SLC6A6: variants seen among roughly 807,000 people sequenced by gnomAD.
The protein encoded by SLC6A6 is solute carrier family 6 member 6.
Under a neutral mutation model 68.8 loss-of-function variants are expected in SLC6A6, and 16 were observed. That is an observed-to-expected ratio of 0.23 (90% CI 0.16 to 0.35). The LOEUF (loss-of-function observed/expected upper bound fraction) is 0.35, where lower values mean the gene tolerates loss of function less well. Among genes scored for constraint, SLC6A6 ranks in the 10% least tolerant of loss-of-function variants. The pLI is 1.00. For missense variants in SLC6A6, 474 were observed against 802.8 expected, an observed-to-expected ratio of 0.59 and a Z score of 4.95; for synonymous variants, 312 against 315.4, an observed-to-expected ratio of 0.99 and a Z score of 0.12.
intron 1 of SLC6A6, among the ~76,000 whole-genome samples, chr3:14,411,853 C>T (rs1395508603): frequency 6.6e-6 from 1 of 152,226 alleles, no homozygotes; most frequent in East Asian, 1.9e-4. Flanking sequence ...ACAAGACAGA[C>T]CAAACTGTAC....
Position 14,409,426 on chromosome 3 carries a change from T to C in SLC6A6, c.-54+6579T>C, listed in dbSNP as rs111348237. ...GAGCATCCACGGTGCTTTATCCCCC[T>C]TCCTGTCTCAGAGATGAGTTCATCA... On this transcript the variant is annotated intron_variant, in intron 1 of 14. Coordinates refer to ENST00000622186, the MANE Select transcript of SLC6A6 (RefSeq NM_003043.6). 1.8e-3 allele frequency among the ~76,000 whole-genome samples: 273 copies of C among 152,342 alleles called. 1 individual carries two copies. The highest frequency in any genetic ancestry group is 6.5e-3 in the African/African-American group (269 of 41,584).
At chr3:14,459,778 CA>C (rs1700454093) in intron 6 of SLC6A6, among the ~76,000 whole-genome samples, 1 of 152,062 alleles carries the variant, frequency 6.6e-6, no homozygotes. Flanking sequence ...CTCTGAGCCT[CA>C]GTTTCCTCCT....
intron 5 of SLC6A6, among the ~76,000 whole-genome samples, chr3:14,451,952 C>G (rs1480673805): frequency 6.6e-6 from 1 of 152,198 alleles, no homozygotes; most frequent in Non-Finnish European, 1.5e-5. Flanking sequence ...TTTCACTTCT[C>G]TTATATGCCC....
Position 14,450,171 on chromosome 3 carries a change from G to A in SLC6A6, c.599+2355G>A, listed in dbSNP as rs538500466. On this transcript the variant is annotated intron_variant, in intron 5 of 14. Coordinates refer to ENST00000622186, the MANE Select transcript of SLC6A6 (RefSeq NM_003043.6). This position sits in a 1 kb window ranked among gnomAD's most constrained non-coding sequence, Gnocchi z 4.1. ...ATTGTAAAGGGGTCATCCTCTTCTG[G>A]GCTCTGCTTGTCTCGCTGTTGTCTA... Among the ~76,000 whole-genome samples the A allele has an allele frequency of 1.3e-5, 2 of 151,896 alleles. No individual in the cohort carries two copies. The highest frequency in any genetic ancestry group is 2.9e-5 in the Non-Finnish European group (2 of 67,980).
chr3:14,431,085 G>GGC (rs1043606841), intron 2 of SLC6A6, among the ~76,000 whole-genome samples: 8 of 52,534 alleles, frequency 1.5e-4, no homozygotes, highest in Non-Finnish European at 1.1e-4. Flanking sequence ...CTCAGGAATG[G>GGC]ACATCGTTTA....
intron 2 of SLC6A6, among the ~76,000 whole-genome samples, chr3:14,438,482 G>A (rs985972670): frequency 6.6e-6 from 1 of 152,154 alleles, no homozygotes; most frequent in African/African-American, 2.4e-5. Context: ...GCGGGGCAAG[G>A]GGTCCAGCCA....
intron 1 of SLC6A6, among the ~76,000 whole-genome samples, chr3:14,403,642 G>A (rs1440350750): frequency 1.3e-5 from 2 of 152,224 alleles, no homozygotes; most frequent in Non-Finnish European, 1.5e-5. Flanking sequence ...CTGAGTGGTG[G>A]GACCAAGGCC....
At chr3:14,430,721 T>A (rs1699705805) in intron 2 of SLC6A6, among the ~76,000 whole-genome samples, 1 of 152,246 alleles carries the variant, frequency 6.6e-6, no homozygotes, top group Admixed American at 6.5e-5. Flanking sequence ...AGAGCTTATG[T>A]TCAGCCTCTG....
intron 2 of SLC6A6, among the ~76,000 whole-genome samples, chr3:14,431,845 A>T (rs1403281422): frequency 3.3e-5 from 5 of 152,142 alleles, no homozygotes; most frequent in Admixed American, 3.3e-4. Context: ...GTCAGGGGGA[A>T]AAACATGTTT....
At chr3:14,409,411 G>A (rs964340030) in intron 1 of SLC6A6, among the ~76,000 whole-genome samples, 5 of 152,210 alleles carry the variant, frequency 3.3e-5, no homozygotes, top group South Asian at 2.1e-4. Context: ...GAGCATCCAC[G>A]GTGCTTTATC....
At chr3:14,482,030 A>G (rs1701021255) in intron 14 of SLC6A6, among the ~76,000 whole-genome samples, 189 bp downstream of exon 14, 1 of 152,222 alleles carries the variant, frequency 6.6e-6, no homozygotes, top group Non-Finnish European at 1.5e-5. Flanking sequence ...TAGAGTTCAC[A>G]TGGGAGAAGG....
chr3:14,466,237 G>C (rs1285111255), intron 6 of SLC6A6, among the ~76,000 whole-genome samples: 2 of 150,144 alleles, frequency 1.3e-5, no homozygotes, highest in Non-Finnish European at 3.0e-5. Flanking sequence ...ACTCCAGCCT[G>C]GGTGACAGCG....
intron 5 of SLC6A6, among the ~76,000 whole-genome samples, chr3:14,455,784 G>A (rs768758349): frequency 8.5e-5 from 13 of 152,358 alleles, no homozygotes; most frequent in Non-Finnish European, 1.6e-4. Flanking sequence ...TTGTTTTAAA[G>A]CCGTGGCAGG....
rs758883547 is a variant in SLC6A6 at position 14,484,933 on chromosome 3, C to G, written c.1789C>G (p.Pro597Ala). 3.7e-6 allele frequency: 6 copies of G among 1,612,646 alleles called. No individual in the cohort carries two copies. Among genetic ancestry groups the G allele is most frequent in the Non-Finnish European group, 4.2e-6 (5 of 1,179,902 alleles). ...GGCTGTGGAGCGCGAGGGAGCCACACCTTACAACTCTCGCACCGTCATGAA... is the reference window on the plus strand; with the variant it reads ...GGCTGTGGAGCGCGAGGGAGCCACAGCTTACAACTCTCGCACCGTCATGAA... ...RWAVEREGAT[P>A]YNSRTVMNGA... is the part of the protein sequence containing the mutation. The change falls in exon 15 of 15, where the codon CCT becomes GCT. Residue 597 changes from proline (P) to alanine (A), a missense_variant. Transcript: ENST00000622186.
rs1186527036 is a variant in SLC6A6, at chr3:14,472,536, G to A, written c.1209+219G>A. Among the ~76,000 whole-genome samples, 2 of 152,244 alleles carry A rather than the reference G, an allele frequency of 1.3e-5. No homozygotes were observed. The highest frequency in any genetic ancestry group is 4.8e-5 in the African/African-American group (2 of 41,458). On this transcript the variant is annotated intron_variant, in intron 10 of 14. Coordinates refer to ENST00000622186, the MANE Select transcript of SLC6A6 (RefSeq NM_003043.6). The surrounding 1 kb of genome is among the most constrained non-coding windows in gnomAD (Gnocchi z 4.5). ...CAAGATAATTATTTAGCCTAATGGA[G>A]TGCAAACAAGACGTGGCATGGCACA...
rs1403469775 is a variant in SLC6A6 at position 14,466,512 on chromosome 3, G to T, written c.733-4G>T. ...GGCCTCCTGAATCCCTCTCGCCCTT[G>T]CAGGTCGTCTACTTCACAGCCACTT... On this transcript the variant is annotated splice_region_variant and splice_polypyrimidine_tract_variant and intron_variant, in intron 6 of 14. Transcript: ENST00000622186. 1 of 1,609,482 alleles carries T rather than the reference G, an allele frequency of 6.2e-7. No homozygotes were observed. The highest frequency in any genetic ancestry group is 1.3e-5 in the African/African-American group (1 of 74,932).
At chr3:14,405,100 C>T (rs1467783355) in intron 1 of SLC6A6, among the ~76,000 whole-genome samples, 1 of 152,210 alleles carries the variant, frequency 6.6e-6, no homozygotes, top group Non-Finnish European at 1.5e-5. Context: ...CCCCATGGGG[C>T]TTTGGTCACT....
At chr3:14,479,873 A>C (rs1403822824) in intron 13 of SLC6A6, among the ~76,000 whole-genome samples, 1 of 152,168 alleles carries the variant, frequency 6.6e-6, no homozygotes, top group East Asian at 1.9e-4. Context: ...GTTTGCAATC[A>C]CTTGTGATCA....
intron 1 of SLC6A6, among the ~76,000 whole-genome samples, chr3:14,414,933 G>A (rs1037811858): frequency 7.2e-5 from 11 of 152,136 alleles, no homozygotes; most frequent in South Asian, 2.1e-4. Flanking sequence ...TCTTAACCTC[G>A]TGCTTTAAAC....
Sources: gnomAD v4.1 joint callset for allele counts (sites outside exome capture counted in the v4.1 genomes callset) on GRCh38, gnomAD v4.1.1 for gene constraint, Gnocchi (gnomAD v3.1) non-coding constraint, MANE v1.5 for transcripts, NCBI Gene and HGNC (gene_info 2026-07-23, HGNC 2026-07-21) for gene names.